CPSF7: variants seen among roughly 807,000 people sequenced by gnomAD.
CPSF7 encodes cleavage and polyadenylation specificity factor subunit 7.
In CPSF7, 1 loss-of-function variant was observed where a neutral mutation model predicts 44.3. The ratio of observed to expected loss-of-function variants is 0.02; its 90% CI spans 0.01 to 0.11. The LOEUF (loss-of-function observed/expected upper bound fraction) is 0.11, where lower values mean the gene tolerates loss of function less well. CPSF7 is among the 10% of genes least tolerant of loss of function. The probability of loss-of-function intolerance (pLI) is 1.00; values close to 1 mark genes in which losing one functional copy is unlikely to be tolerated. For synonymous variants in CPSF7, 202 were observed against 222.0 expected, an observed-to-expected ratio of 0.91 and a Z score of 0.80; for missense variants, 443 against 607.2, an observed-to-expected ratio of 0.73 and a Z score of 2.84.
At chr11:61,407,446 G>GC (rs1329340739) in intron 9 of CPSF7, among the ~76,000 whole-genome samples, 3 of 152,196 alleles carry the variant, frequency 2.0e-5, no homozygotes, top group East Asian at 1.9e-4. Flanking sequence ...TCTAATGCCT[G>GC]CCCTCATGCC....
At chr11:61,414,562 T>C (rs1165283006) in intron 7 of CPSF7, among the ~76,000 whole-genome samples, 4 of 152,214 alleles carry the variant, frequency 2.6e-5, no homozygotes, top group Admixed American at 1.3e-4. Flanking sequence ...GGCAAGATGA[T>C]GCAAAGATGA....
chr11:61,407,410 G>C (rs1185505441), intron 9 of CPSF7, among the ~76,000 whole-genome samples: 1 of 152,122 alleles, frequency 6.6e-6, no homozygotes, highest in East Asian at 1.9e-4. Context: ...ACAAGAAAAG[G>C]GAGTTAGGAC....
At chr11:61,425,762 C>A (rs1228621175) in intron 2 of CPSF7, among the ~76,000 whole-genome samples, 3 of 152,234 alleles carry the variant, frequency 2.0e-5, no homozygotes, top group Non-Finnish European at 4.4e-5. Flanking sequence ...ACTTCACACC[C>A]TCCTTGTCCT....
At chr11:61,422,317 CTT>C (rs768474632) in intron 2 of CPSF7, among the ~76,000 whole-genome samples, 45 of 144,286 alleles carry the variant, frequency 3.1e-4, no homozygotes, top group African/African-American at 9.1e-4. Context: ...ATCTAGGAGA[CTT>C]TTTTTTTTTT....
At chr11:61,413,840 G>C (rs1268305681) in intron 7 of CPSF7, among the ~76,000 whole-genome samples, 1 of 152,172 alleles carries the variant, frequency 6.6e-6, no homozygotes, top group Non-Finnish European at 1.5e-5. Context: ...AAGCCTGGCA[G>C]CTTCCTCTGT....
chr11:61,419,647 T>C (rs563950276), intron 5 of CPSF7, among the ~76,000 whole-genome samples: 1 of 152,304 alleles, frequency 6.6e-6, no homozygotes, highest in African/African-American at 2.4e-5. Flanking sequence ...ATCATGTCAC[T>C]AGTCCAGATG....
At chr11:61,409,969 CAA>C (rs145644967) in intron 9 of CPSF7, among the ~76,000 whole-genome samples, 4 of 143,634 alleles carry the variant, frequency 2.8e-5, no homozygotes, top group African/African-American at 1.0e-4. Context: ...GGCTCTGTCT[CAA>C]AAAAAAAAAG....
At chr11:61,423,105 CAAAAAA>C (rs71471824) in intron 2 of CPSF7, among the ~76,000 whole-genome samples, 3 of 52,352 alleles carry the variant, frequency 5.7e-5, no homozygotes, top group African/African-American at 8.8e-5. Context: ...GACCCCATAT[CAAAAAA>C]AAAAAAAAAA....
chr11:61,403,979 T>C lies in CPSF7; in HGVS notation c.*731A>G, dbSNP rs1214286864. ...AGGGTGGTAATTGGCTCTGCCAGGC[T>C]TCCCAGCAGCAAGCAACCTCATAGG... On this transcript the variant is annotated 3_prime_UTR_variant, in exon 10 of 10. Coordinates refer to ENST00000439958, the MANE Select transcript of CPSF7 (RefSeq NM_001142565.3). 1 of 152,636 alleles carries C rather than the reference T, an allele frequency of 6.6e-6. No homozygotes were observed. The highest frequency in any genetic ancestry group is 1.9e-4 in the East Asian group (1 of 5,196). 9.5% of individuals were successfully genotyped at this position (152,636 alleles called of 1,614,324 possible).
chr11:61,414,230 AC>A (rs1860112301), intron 7 of CPSF7, among the ~76,000 whole-genome samples: 1 of 150,428 alleles, frequency 6.6e-6, no homozygotes, highest in Non-Finnish European at 1.5e-5. Flanking sequence ...GCTCACCACA[AC>A]CTCCACGCCC....
chr11:61,429,711 T>C (rs1447510832), intron 1 of CPSF7: 2 of 1,521,022 alleles, frequency 1.3e-6, no homozygotes, highest in Admixed American at 2.0e-5. Context: ...AACCCAGGCC[T>C]ACTCTTCGCC....
intron 2 of CPSF7, 153 bp downstream of exon 2, chr11:61,429,029 G>A: frequency 9.2e-6 from 5 of 545,208 alleles, no homozygotes; most frequent in Non-Finnish European, 1.7e-5. Context: ...GGAATGGAGT[G>A]TAGTCTTTAA....
intron 5 of CPSF7, 51 bp downstream of exon 5, chr11:61,419,898 C>G (rs200582821): frequency 8.1e-6 from 13 of 1,600,418 alleles, no homozygotes; most frequent in African/African-American, 2.7e-5. Flanking sequence ...ACACCCCCCC[C>G]TCATACAGAT....
At chr11:61,422,023 A>T (rs1860928521) in intron 2 of CPSF7, among the ~76,000 whole-genome samples, 1 of 152,256 alleles carries the variant, frequency 6.6e-6, no homozygotes, top group South Asian at 2.1e-4. Context: ...GTGTTACATA[A>T]AATTCACTTG....
intron 3 of CPSF7, chr11:61,420,969 C>T: frequency 1.2e-6 from 1 of 807,722 alleles, no homozygotes; most frequent in South Asian, 1.4e-5. Flanking sequence ...AGCCCCAAAA[C>T]ATCACAAAAT....
At position 61,403,102 on chromosome 11, in the gene CPSF7, G is replaced by C. The variant is rs1859024100; in HGVS notation, c.*1608C>G. The C allele has an allele frequency of 6.6e-6, 1 of 152,434 alleles. No homozygotes were observed. Among genetic ancestry groups the C allele is most frequent in the Admixed American group, 6.6e-5 (1 of 15,262 alleles). The allele number at this position is 152,434 out of a possible 1,614,324, so 9.4% of individuals were successfully genotyped here. A position where few individuals can be genotyped will look rare whatever the true frequency, so the allele number is the denominator to read the frequency against. On this transcript the variant is annotated 3_prime_UTR_variant, in exon 10 of 10. Coordinates refer to ENST00000439958, the MANE Select transcript of CPSF7 (RefSeq NM_001142565.3). Reference sequence around the variant, plus strand: ...GGGGTTGGGGGACAGGGGAAAAAAAGCTCCAACCTGTAGCCTCTGTCCCAA... The same window carrying C: ...GGGGTTGGGGGACAGGGGAAAAAAACCTCCAACCTGTAGCCTCTGTCCCAA...
In CPSF7 at chr11:61,411,813, G is replaced by A. The variant is rs3019198; in HGVS notation, c.1182C>T (p.Ile394=). 1,335,051 of 1,613,380 alleles carry A rather than the reference G, an allele frequency of 0.83. 562,250 individuals carry two copies. Among genetic ancestry groups the A allele is most frequent in the East Asian group, 0.97 (43,597 of 44,878 alleles). The change falls in exon 8 of 10, where the codon ATC becomes ATT. Residue 394 remains isoleucine (I), a synonymous_variant. Transcript: ENST00000439958. ...ISSLKDCLHG[I]EAKSYSVGAS... is the part of the protein sequence containing the mutation. ...CACCCACACTGTAGGACTTGGCTTC[G>A]ATGCCATGAAGACAGTCCTTAAGAG...
At chr11:61,414,491 G>C (rs1860137361) in intron 7 of CPSF7, among the ~76,000 whole-genome samples, 1 of 151,970 alleles carries the variant, frequency 6.6e-6, no homozygotes, top group Admixed American at 6.5e-5. Flanking sequence ...TTTCTGGTGG[G>C]AAAAAAATGA....
chr11:61,429,368 C>T, intron 1 of CPSF7, 78 bp from the exon 2 acceptor site: 1 of 845,920 alleles, frequency 1.2e-6, no homozygotes, highest in Non-Finnish European at 2.0e-6. Context: ...TTGCTAACCT[C>T]CCATCTCCAG....
Sources: allele counts gnomAD v4.1 joint callset (sites outside exome capture counted in the v4.1 genomes callset), GRCh38; gene constraint gnomAD v4.1.1; transcripts MANE v1.5; gene names NCBI Gene and HGNC (gene_info 2026-07-23, HGNC 2026-07-21).